CTNND2: variants seen among roughly 807,000 people sequenced by gnomAD.
The protein encoded by CTNND2 is catenin delta-2.
Under a neutral mutation model 144.4 loss-of-function variants are expected in CTNND2, and 22 were observed. The ratio of observed to expected loss-of-function variants is 0.15; its 90% confidence interval spans 0.11 to 0.22. CTNND2 has a LOEUF of 0.22. Ranked by LOEUF, CTNND2 falls within the 10% of genes least tolerant of loss-of-function variation. CTNND2 has a pLI of 1.00. For synonymous variants in CTNND2, 751 were observed against 695.6 expected (o/e 1.08, Z -1.25); for missense variants, 1,353 against 1,618.8 (o/e 0.84, Z 2.82).
chr5:11,214,825 G>A (rs536840156), intron 10 of CTNND2, among the ~76,000 whole-genome samples: 6 of 152,238 alleles, frequency 3.9e-5, no homozygotes, highest in African/African-American at 1.4e-4. Context: ...TCATGCAGGT[G>A]TCCCCTAAAC....
intron 1 of CTNND2, among the ~76,000 whole-genome samples, chr5:11,754,003 C>T (rs1020343389): frequency 2.0e-5 from 3 of 151,270 alleles, no homozygotes; most frequent in African/African-American, 7.3e-5. Flanking sequence ...TTTTGTATTT[C>T]TTGGGGGTCA....
intron 16 of CTNND2, among the ~76,000 whole-genome samples, chr5:11,063,560 A>G (rs1352276941): frequency 1.9e-5 from 2 of 104,870 alleles, no homozygotes; most frequent in Non-Finnish European, 3.3e-5. Context: ...TCAGGGTAAA[A>G]TTTTCGGGGG....
chr5:11,492,018 T>C (rs950222105), intron 3 of CTNND2, among the ~76,000 whole-genome samples: 1 of 152,176 alleles, frequency 6.6e-6, no homozygotes, highest in African/African-American at 2.4e-5. Context: ...ACCTTTGCAA[T>C]GTGAGGAATC....
rs187836807 is a variant in CTNND2 at position 11,370,527 on chromosome 5, G to C, written c.1178-5637C>G. 2.8e-4 allele frequency among the ~76,000 whole-genome samples: 42 copies of C among 152,192 alleles called. 1 individual carries two copies. Among genetic ancestry groups the C allele is most frequent in the Middle Eastern group, 3.4e-3 (1 of 294 alleles). ...TATTCAAACAATTCCACTTAATACA[G>C]GTTATGCCAATTATTTTACTACATT... On this transcript the variant is annotated intron_variant, in intron 7 of 21. Transcript: ENST00000304623.
intron 1 of CTNND2, among the ~76,000 whole-genome samples, chr5:11,851,006 C>T (rs1794983838): frequency 6.6e-6 from 1 of 152,158 alleles, no homozygotes; most frequent in African/African-American, 2.4e-5. Context: ...TGGGCCTCAT[C>T]CAATCAGCTA....
chr5:11,022,753 TCA>T lies in CTNND2; in HGVS notation c.2999+14_2999+15del. The stretch of plus-strand genomic sequence containing the variant: ...ATTTTACCAGGACAGAGATATGGCG[TCA>T]CCAGGTAACTTACTTATCTCCTTTG... On this transcript the variant is annotated intron_variant, in intron 17 of 21. Transcript: ENST00000304623. 4 of 1,607,762 alleles carry T rather than the reference TCA, an allele frequency of 2.5e-6. No individual in the cohort carries two copies. Among genetic ancestry groups the T allele is most frequent in the Non-Finnish European group, 3.4e-6 (4 of 1,175,046 alleles).
chr5:11,817,981 GTTT>G (rs35360011), intron 1 of CTNND2, among the ~76,000 whole-genome samples: 3 of 31,880 alleles, frequency 9.4e-5, no homozygotes, highest in African/African-American at 2.5e-4. Context: ...ATTATGAGGT[GTTT>G]TTTTTTTTTT....
chr5:11,347,029 T>C (rs956713192), intron 8 of CTNND2, among the ~76,000 whole-genome samples: 2 of 152,234 alleles, frequency 1.3e-5, no homozygotes, highest in Non-Finnish European at 2.9e-5. Context: ...ATATTAACTT[T>C]ATTAAAGATG....
intron 10 of CTNND2, among the ~76,000 whole-genome samples, chr5:11,233,511 G>C (rs1403641934): frequency 1.3e-5 from 2 of 152,216 alleles, no homozygotes; most frequent in Non-Finnish European, 2.9e-5. Flanking sequence ...AGAAAGACTA[G>C]AGGACTGAGT....
At chr5:11,140,728 C>A (rs1756644963) in intron 12 of CTNND2, among the ~76,000 whole-genome samples, 1 of 151,976 alleles carries the variant, frequency 6.6e-6, no homozygotes, top group Non-Finnish European at 1.5e-5. Flanking sequence ...ACAGTCTTTA[C>A]CAAAAGTTCA....
chr5:11,417,068 T>C (rs1761993764), intron 3 of CTNND2, among the ~76,000 whole-genome samples: 1 of 152,192 alleles, frequency 6.6e-6, no homozygotes, highest in Admixed American at 6.5e-5. Context: ...TAATAGCTAA[T>C]ATTTATATAG....
intron 8 of CTNND2, among the ~76,000 whole-genome samples, chr5:11,359,130 CT>C (rs1169610589): frequency 6.6e-6 from 1 of 152,208 alleles, no homozygotes; most frequent in Non-Finnish European, 1.5e-5. Context: ...GCTTAATAGA[CT>C]TTACCACAAG....
At chr5:11,235,038 G>A (rs1741474377) in intron 10 of CTNND2, among the ~76,000 whole-genome samples, 1 of 152,172 alleles carries the variant, frequency 6.6e-6, no homozygotes. Context: ...AAGCCTCACT[G>A]TGTAAGTGAC....
At chr5:11,414,534 G>C (rs1353889057) in intron 3 of CTNND2, among the ~76,000 whole-genome samples, 1 of 152,120 alleles carries the variant, frequency 6.6e-6, no homozygotes, top group Admixed American at 6.6e-5. Flanking sequence ...TGAAAAACTT[G>C]GCCAAACAGC....
intron 18 of CTNND2, among the ~76,000 whole-genome samples, chr5:11,016,552 T>C (rs1580049062): frequency 6.6e-6 from 1 of 152,156 alleles, no homozygotes; most frequent in South Asian, 2.1e-4. Flanking sequence ...GAGTGGCCGG[T>C]GACCTGGGGG....
chr5:11,303,812 C>T (rs1326505399), intron 9 of CTNND2, among the ~76,000 whole-genome samples: 1 of 152,144 alleles, frequency 6.6e-6, no homozygotes, highest in Non-Finnish European at 1.5e-5. Flanking sequence ...TATGGTTTGG[C>T]TGTGTCCCCA....
intron 2 of CTNND2, among the ~76,000 whole-genome samples, chr5:11,599,384 A>G (rs1021041938): frequency 1.3e-5 from 2 of 152,180 alleles, no homozygotes; most frequent in African/African-American, 4.8e-5. Flanking sequence ...TTCATTTCTA[A>G]TAGATGTTTT....
At chr5:11,452,982 T>C (rs1334937706) in intron 3 of CTNND2, among the ~76,000 whole-genome samples, 1 of 152,206 alleles carries the variant, frequency 6.6e-6, no homozygotes, top group Non-Finnish European at 1.5e-5. Context: ...GATGAGTTCC[T>C]GTTGTGTTTG....
At chr5:11,239,267 G>A (rs1393345165) in intron 9 of CTNND2, among the ~76,000 whole-genome samples, 3 of 152,348 alleles carry the variant, frequency 2.0e-5, no homozygotes, top group East Asian at 1.9e-4. Flanking sequence ...GCACACATGC[G>A]TGCACCTGTG....
Sources: allele counts gnomAD v4.1 joint callset (sites outside exome capture counted in the v4.1 genomes callset), GRCh38; gene constraint gnomAD v4.1.1; transcripts MANE v1.5; gene names NCBI Gene and HGNC (gene_info 2026-07-23, HGNC 2026-07-21).